CPNE4: variants seen among roughly 807,000 people sequenced by gnomAD.
CPNE4 encodes copine 4.
A neutral mutation model predicts 67.9 loss-of-function variants in CPNE4; 25 were observed. That is an observed-to-expected ratio of 0.37 (90% CI 0.27 to 0.51). CPNE4 has a LOEUF of 0.51. CPNE4 is among the 20% of genes least tolerant of loss of function. The pLI is 0.93. For synonymous variants in CPNE4, 242 were observed against 244.9 expected (o/e 0.99, Z 0.11); for missense variants, 464 against 690.8 (o/e 0.67, Z 3.68).
At chr3:132,032,709 GTC>G (rs2074262141) in intron 1 of CPNE4, among the ~76,000 whole-genome samples, 1 of 139,012 alleles carries the variant, frequency 7.2e-6, no homozygotes, top group African/African-American at 2.7e-5. Flanking sequence ...GACTTTGTCA[GTC>G]TCTCTTTAAA....
chr3:131,766,207 T>A (rs950170594), intron 2 of CPNE4, among the ~76,000 whole-genome samples: 2 of 152,196 alleles, frequency 1.3e-5, no homozygotes, highest in African/African-American at 4.8e-5. Flanking sequence ...TCCAATACTC[T>A]AAGCCTCAGT....
At chr3:131,807,867 AT>A (rs2084377601) in intron 2 of CPNE4, among the ~76,000 whole-genome samples, 1 of 152,188 alleles carries the variant, frequency 6.6e-6, no homozygotes, top group Non-Finnish European at 1.5e-5. Flanking sequence ...TTATTTTTAT[AT>A]AATTAGAACA....
intron 10 of CPNE4, among the ~76,000 whole-genome samples, chr3:131,570,357 C>CT (rs1337608338): frequency 1.3e-5 from 2 of 150,566 alleles, no homozygotes; most frequent in Non-Finnish European, 3.0e-5. Context: ...TTATTATACT[C>CT]TAAGTTTTAG....
chr3:131,717,842 CTTCCTTCCTCG>C (rs2081739999), intron 3 of CPNE4, among the ~76,000 whole-genome samples: 3 of 64,004 alleles, frequency 4.7e-5, no homozygotes, highest in African/African-American at 2.0e-4. Context: ...TCCTTCCTTC[CTTCCTTCCTCG>C]CTCCCTCCTT....
chr3:131,626,133 C>G (rs888551796), intron 7 of CPNE4, among the ~76,000 whole-genome samples: 1 of 152,200 alleles, frequency 6.6e-6, no homozygotes. Context: ...CTTCCTGTTT[C>G]CTTAGATACA....
At chr3:131,604,429 A>T (rs1939386811) in intron 7 of CPNE4, among the ~76,000 whole-genome samples, 1 of 152,126 alleles carries the variant, frequency 6.6e-6, no homozygotes, top group Non-Finnish European at 1.5e-5. Context: ...GCTGAAGGAT[A>T]CAAAGTATTA....
intron 11 of CPNE4, among the ~76,000 whole-genome samples, chr3:131,561,533 A>G (rs1402192410): frequency 6.6e-6 from 1 of 152,000 alleles, no homozygotes; most frequent in African/African-American, 2.4e-5. Flanking sequence ...GCCATCCTGA[A>G]AAGAGTTTTA....
At chr3:131,822,554 C>T (rs2107972558) in intron 2 of CPNE4, among the ~76,000 whole-genome samples, 1 of 152,272 alleles carries the variant, frequency 6.6e-6, no homozygotes, top group Middle Eastern at 3.4e-3. Flanking sequence ...AAAGTTGATG[C>T]TCTTGTCTGC....
chr3:131,578,412 C>T (rs1937605336), intron 9 of CPNE4, among the ~76,000 whole-genome samples: 1 of 152,110 alleles, frequency 6.6e-6, no homozygotes, highest in Non-Finnish European at 1.5e-5. Context: ...CTCCTTGGGT[C>T]TCCCTATCCC....
chr3:131,756,585 C>T (rs1291285624), intron 2 of CPNE4, among the ~76,000 whole-genome samples: 1 of 152,210 alleles, frequency 6.6e-6, no homozygotes, highest in African/African-American at 2.4e-5. Flanking sequence ...CAGTGGCCAG[C>T]TTTGGCCAGG....
upstream of CPNE4, among the ~76,000 whole-genome samples, chr3:132,036,948 A>G (rs921863995): frequency 6.6e-5 from 10 of 152,176 alleles, no homozygotes; most frequent in Admixed American, 3.3e-4. Context: ...CCTGCCCAAG[A>G]AAGTTTTACT....
At chr3:131,811,461 G>A (rs1216365380) in intron 2 of CPNE4, among the ~76,000 whole-genome samples, 12 of 152,086 alleles carry the variant, frequency 7.9e-5, no homozygotes, top group Admixed American at 7.9e-4. Context: ...CATGGTAAGA[G>A]AAATGAAAGA....
intron 5 of CPNE4, among the ~76,000 whole-genome samples, chr3:131,693,754 C>T (rs1421088724): frequency 6.6e-6 from 1 of 152,136 alleles, no homozygotes; most frequent in Non-Finnish European, 1.5e-5. Context: ...CCCCTCTTAC[C>T]TCCCCTCTTC....
chr3:132,003,441 T>A (rs976057441), intron 1 of CPNE4, among the ~76,000 whole-genome samples: 7 of 152,050 alleles, frequency 4.6e-5, no homozygotes, highest in Non-Finnish European at 7.4e-5. Context: ...GCCTAGATAA[T>A]TTATTCCTGA....
chr3:131,875,853 T>A (rs927671723), intron 2 of CPNE4, among the ~76,000 whole-genome samples: 3 of 152,144 alleles, frequency 2.0e-5, no homozygotes, highest in African/African-American at 7.2e-5. Flanking sequence ...GACTAAATCT[T>A]TGGGGTGTTG....
intron 2 of CPNE4, among the ~76,000 whole-genome samples, chr3:131,790,874 T>C (rs1055290188): frequency 3.3e-5 from 5 of 152,330 alleles, no homozygotes; most frequent in Non-Finnish European, 7.4e-5. Flanking sequence ...ATTTTCCTCA[T>C]AGAATTTTAG....
intron 1 of CPNE4, among the ~76,000 whole-genome samples, chr3:132,024,885 C>T (rs940778491): frequency 1.3e-5 from 2 of 152,084 alleles, no homozygotes; most frequent in African/African-American, 4.8e-5. Flanking sequence ...TCAGTGGTAC[C>T]ACACAGGAGA....
rs1935932860 is a variant in CPNE4 at position 131,547,491 on chromosome 3, AAAAAAAAAAAC to A, written c.1302+2445_1302+2455del. ...AAAAAAAAAAAAAAAAAAAAAAAAAAAAAAAAAAAACCTAATAGTGTTCATGGCTTCTGAAA... is the reference window on the plus strand; with the variant it reads ...AAAAAAAAAAAAAAAAAAAAAAAAAACTAATAGTGTTCATGGCTTCTGAAA... On this transcript the variant is annotated intron_variant, in intron 14 of 15. Coordinates refer to ENST00000429747, the MANE Select transcript of CPNE4 (RefSeq NM_130808.3). 7.4e-5 allele frequency among the ~76,000 whole-genome samples: 9 copies of A among 121,518 alleles called. 1 individual carries two copies. The highest frequency in any genetic ancestry group is 2.8e-4 in the African/African-American group (8 of 28,830). The allele number at this position is 121,518 out of a possible 152,430, so 79.7% of individuals were successfully genotyped here. A position where few individuals can be genotyped will look rare whatever the true frequency, so the allele number is the denominator to read the frequency against.
intron 2 of CPNE4, among the ~76,000 whole-genome samples, chr3:131,799,112 G>GA (rs1194142285): frequency 1.3e-5 from 2 of 151,620 alleles, no homozygotes; most frequent in South Asian, 2.1e-4. Context: ...GGCTCCGACA[G>GA]AAAAAAAATA....
Sources: allele counts gnomAD v4.1 joint callset (sites outside exome capture counted in the v4.1 genomes callset), GRCh38; gene constraint gnomAD v4.1.1; transcripts MANE v1.5; gene names NCBI Gene and HGNC (gene_info 2026-07-23, HGNC 2026-07-21).